SGCZ: variants seen among roughly 807,000 people sequenced by gnomAD.
The protein encoded by SGCZ is sarcoglycan zeta, also known as zeta-sarcoglycan.
SGCZ carries 40 observed loss-of-function variants against 41.3 expected under a neutral mutation model. The ratio of observed to expected loss-of-function variants is 0.97; its 90% CI spans 0.75 to 1.26. SGCZ has a LOEUF of 1.26. Ranked by LOEUF, SGCZ falls within the 50% of genes most tolerant of loss-of-function variation. The pLI, the probability that SGCZ is intolerant of heterozygous loss-of-function variation, is 0.00. For missense variants in SGCZ, 552 were observed against 369.8 expected (o/e 1.49, Z -4.04); for synonymous variants, 206 against 137.5 (o/e 1.50, Z -3.49).
intron 1 of SGCZ, among the ~76,000 whole-genome samples, chr8:14,874,974 G>A (rs1262694135): frequency 1.3e-5 from 2 of 152,152 alleles, no homozygotes; most frequent in South Asian, 4.1e-4. Context: ...AGGTGCATCA[G>A]CTCTTAAAAA....
chr8:14,558,610 GA>G (rs879903072), intron 1 of SGCZ, among the ~76,000 whole-genome samples: 3,378 of 143,346 alleles, frequency 0.024, 45 homozygotes, highest in East Asian at 0.043. Flanking sequence ...GAGAGAGAGA[GA>G]GAATCTTCCA....
chr8:15,071,352 T>C (rs969323298), intron 1 of SGCZ, among the ~76,000 whole-genome samples: 1 of 152,310 alleles, frequency 6.6e-6, no homozygotes, highest in Admixed American at 6.5e-5. Flanking sequence ...ATTTCTTTGA[T>C]AAATCCTTAA....
chr8:14,784,223 T>C (rs1800681136), intron 1 of SGCZ, among the ~76,000 whole-genome samples: 4 of 152,054 alleles, frequency 2.6e-5, no homozygotes, highest in Admixed American at 2.6e-4. Flanking sequence ...GCTAATTTTT[T>C]TTTATTTTTG....
chr8:14,688,371 A>C (rs1808686837), intron 1 of SGCZ, among the ~76,000 whole-genome samples: 1 of 152,126 alleles, frequency 6.6e-6, no homozygotes, highest in Admixed American at 6.6e-5. Flanking sequence ...TAATTTTTGT[A>C]GAAGGTGTAA....
At chr8:14,634,761 A>G (rs545228218) in intron 1 of SGCZ, among the ~76,000 whole-genome samples, 4 of 151,380 alleles carry the variant, frequency 2.6e-5, no homozygotes, top group Non-Finnish European at 5.9e-5. Context: ...TTCTAAGAAC[A>G]AGAAAGAAAT....
chr8:15,100,667 G>A (rs1201871458), intron 1 of SGCZ, among the ~76,000 whole-genome samples: 1 of 152,104 alleles, frequency 6.6e-6, no homozygotes, highest in Non-Finnish European at 1.5e-5. Flanking sequence ...TAAAGTTGAA[G>A]GACAGACACT....
At chr8:14,522,282 C>T (rs1245534311) in intron 2 of SGCZ, among the ~76,000 whole-genome samples, 1 of 151,782 alleles carries the variant, frequency 6.6e-6, no homozygotes, top group Non-Finnish European at 1.5e-5. Flanking sequence ...TAGTGTGTTC[C>T]CTCTTCTATT....
At chr8:14,764,766 G>C (rs1205948248) in intron 1 of SGCZ, among the ~76,000 whole-genome samples, 1 of 152,068 alleles carries the variant, frequency 6.6e-6, no homozygotes, top group Non-Finnish European at 1.5e-5. Context: ...CTTAAATATG[G>C]TCTAAAAATT....
intron 1 of SGCZ, 82 bp downstream of exon 1, chr8:15,237,501 GCC>G: frequency 6.7e-7 from 1 of 1,489,834 alleles, no homozygotes; most frequent in Non-Finnish European, 9.1e-7. Flanking sequence ...ACTACTCCGC[GCC>G]GCTGGAGGAG....
At chr8:15,214,947 G>T (rs1801351267) in intron 1 of SGCZ, among the ~76,000 whole-genome samples, 1 of 152,108 alleles carries the variant, frequency 6.6e-6, no homozygotes, top group Non-Finnish European at 1.5e-5. Flanking sequence ...AAAACTAGTG[G>T]AGGATACTAT....
At chr8:14,991,753 C>T (rs1802021458) in intron 1 of SGCZ, among the ~76,000 whole-genome samples, 1 of 151,926 alleles carries the variant, frequency 6.6e-6, no homozygotes, top group Non-Finnish European at 1.5e-5. Flanking sequence ...CACCCATCCT[C>T]CTCATCCAAT....
At position 15,111,101 on chromosome 8, in the gene SGCZ, G is replaced by C. The variant is rs373640902; in HGVS notation, c.39+126484C>G. 1.1e-4 allele frequency among the ~76,000 whole-genome samples: 16 copies of C among 152,268 alleles called. No homozygotes were observed. The South Asian group carries it at 3.3e-3, about 32-fold the overall frequency. On this transcript the variant is annotated intron_variant, in intron 1 of 7. Coordinates refer to ENST00000382080, the MANE Select transcript of SGCZ (RefSeq NM_139167.4). The stretch of plus-strand genomic sequence containing the variant: ...AATTCACGCTTATTTCATAAAGCTG[G>C]ATCAGAAGGCAAACACCAGGGAAGC...
At chr8:14,642,152 A>G (rs1228063878) in intron 1 of SGCZ, among the ~76,000 whole-genome samples, 2 of 151,714 alleles carry the variant, frequency 1.3e-5, no homozygotes, top group African/African-American at 4.8e-5. Flanking sequence ...CATTTAAGTC[A>G]TGGCTAATGA....
At chr8:14,706,461 C>G (rs1458347979) in intron 1 of SGCZ, among the ~76,000 whole-genome samples, 2 of 152,000 alleles carry the variant, frequency 1.3e-5, no homozygotes, top group Non-Finnish European at 2.9e-5. Context: ...TATTCTATGC[C>G]TTTTTGATTG....
chr8:14,553,481 G>T (rs1803935245), intron 2 of SGCZ, among the ~76,000 whole-genome samples: 1 of 151,914 alleles, frequency 6.6e-6, no homozygotes, highest in Admixed American at 6.6e-5. Flanking sequence ...TTTCTTATTT[G>T]ATGAATACTT....
chr8:14,798,608 T>C (rs1187955028), intron 1 of SGCZ, among the ~76,000 whole-genome samples: 1 of 152,198 alleles, frequency 6.6e-6, no homozygotes, highest in East Asian at 1.9e-4. Flanking sequence ...ACTAACTTGA[T>C]AAAGTAATCC....
intron 2 of SGCZ, among the ~76,000 whole-genome samples, chr8:14,362,108 G>A (rs1718968995): frequency 6.6e-6 from 1 of 152,144 alleles, no homozygotes; most frequent in Admixed American, 6.5e-5. Flanking sequence ...AGCCCCTACT[G>A]GGAGGTGTCT....
chr8:14,199,854 T>A (rs1805397607), intron 4 of SGCZ, among the ~76,000 whole-genome samples: 1 of 152,196 alleles, frequency 6.6e-6, no homozygotes, highest in Admixed American at 6.5e-5. Context: ...TTTGAAGATC[T>A]AAGATCTTAA....
intron 1 of SGCZ, among the ~76,000 whole-genome samples, chr8:14,882,917 G>A (rs1585346598): frequency 6.6e-6 from 1 of 151,976 alleles, no homozygotes; most frequent in South Asian, 2.1e-4. Context: ...AATATATGGT[G>A]TGGAACAAGT....
Sources: gnomAD v4.1 joint callset for allele counts (sites outside exome capture counted in the v4.1 genomes callset) on GRCh38, gnomAD v4.1.1 for gene constraint, MANE v1.5 for transcripts, NCBI Gene and HGNC (gene_info 2026-07-23, HGNC 2026-07-21) for gene names.